GPR135: variants seen among roughly 807,000 people sequenced by gnomAD.
The protein encoded by GPR135 is G-protein coupled receptor 135.
In GPR135, 17 loss-of-function variants were observed where a neutral mutation model predicts 15.0. The observed-to-expected ratio is 1.13, with a 90% CI of 0.78 to 1.70. GPR135 has a LOEUF of 1.70. Among genes scored for constraint, GPR135 ranks in the 40% most tolerant of loss-of-function variants. GPR135 has a pLI of 0.00. For missense variants in GPR135, 776 were observed against 727.0 expected, an observed-to-expected ratio of 1.07 and a Z score of -0.78; for synonymous variants, 368 against 349.4, an observed-to-expected ratio of 1.05 and a Z score of -0.59.
In GPR135 at chr14:59,464,089, C is replaced by T. The variant is rs757363787; in HGVS notation, c.1138G>A (p.Gly380Arg). The T allele has an allele frequency of 1.9e-6, 3 of 1,612,512 alleles. No individual in the cohort carries two copies. Among genetic ancestry groups the T allele is most frequent in the South Asian group, 1.1e-5 (1 of 91,092 alleles). ...GCGTAGATGACAGGGTTGATGGCCC[C>T]ATTGGCCCAGGTCAGCCAGACGGCC... ...VVAVWLTWAN[G>R]AINPVIYAIR... is the part of the protein sequence containing the mutation. Residue 380 changes from glycine to arginine, a missense_variant, in exon 1 of 1, where the codon GGG becomes AGG. Physicochemically the swap from Gly to Arg is moderately radical, Grantham distance 125. Coordinates refer to ENST00000395116, the MANE Select transcript of GPR135 (RefSeq NM_022571.6).
Position 59,464,400 on chromosome 14 carries a change from G to T in GPR135, c.827C>A (p.Ala276Asp). The T allele has an allele frequency of 6.3e-7, 1 of 1,598,954 alleles. No individual in the cohort carries two copies. The highest frequency in any genetic ancestry group is 8.5e-7 in the Non-Finnish European group (1 of 1,173,916). ...GGCCACCACCAGCCCCACGCTGAAG[G>T]CCGCGCCCAGCTGCGCGGGGTCCGG... ...TSPDPAQLGA[A>D]FSVGLVVACY... The change falls in exon 1 of 1, where the codon GCC (alanine) becomes GAC (aspartate). Residue 276 changes from alanine to aspartate, a missense_variant. Physicochemically the swap from Ala to Asp is moderately radical, Grantham distance 126. Transcript: ENST00000395116.
rs987927756 is a variant in GPR135 at position 59,462,810 on chromosome 14, C to T, written c.*932G>A. On this transcript the variant is annotated 3_prime_UTR_variant, in exon 1 of 1. Transcript: ENST00000395116. ...ATTTAAATAAAGTGGCATCACTCAC[C>T]TTATTCAATCAACTTGACTTCAAAT... 3.9e-5 allele frequency: 6 copies of T among 152,122 alleles called. No individual in the cohort carries two copies. The highest frequency in any genetic ancestry group is 2.0e-4 in the Admixed American group (3 of 15,280). 9.4% of individuals were successfully genotyped at this position (152,122 alleles called of 1,614,324 possible).
Position 59,463,437 on chromosome 14 carries a change from G to C in GPR135, c.*305C>G, listed in dbSNP as rs374595292. Reference sequence around the variant, plus strand: ...CATTCAATGTTTTGTTTGTTTCACAGTGTGGTCCTATAATATGAGCTTTTC... The same window carrying C: ...CATTCAATGTTTTGTTTGTTTCACACTGTGGTCCTATAATATGAGCTTTTC... On this transcript the variant is annotated 3_prime_UTR_variant, in exon 1 of 1. Coordinates refer to ENST00000395116, the MANE Select transcript of GPR135 (RefSeq NM_022571.6). 5.5e-6 allele frequency: 2 copies of C among 361,552 alleles called. No individual in the cohort carries two copies. Among genetic ancestry groups the C allele is most frequent in the Non-Finnish European group, 1.0e-5 (2 of 199,510 alleles). 22.4% of individuals were successfully genotyped at this position (361,552 alleles called of 1,614,324 possible).
rs1889111043 is a variant in GPR135 at position 59,465,180 on chromosome 14, A to C, written c.47T>G (p.Leu16Arg). 7.7e-7 allele frequency: 1 copy of C among 1,300,044 alleles called. No individual in the cohort carries two copies. The highest frequency in any genetic ancestry group is 3.1e-5 in the East Asian group (1 of 32,202). The allele number at this position is 1,300,044 out of a possible 1,614,324, so 80.5% of individuals were successfully genotyped here. A position where few individuals can be genotyped will look rare whatever the true frequency, so the allele number is the denominator to read the frequency against. Residue 16 changes from leucine to arginine, a missense_variant, in exon 1 of 1, where the codon CTG becomes CGG. Coordinates refer to ENST00000395116, the MANE Select transcript of GPR135 (RefSeq NM_022571.6). Reference sequence around the variant, plus strand: ...GGGGGCGCCGGAGTGCTGGCTGCCCAGTAAGGCCATGCTCGCTGGTGGGCG... The same window carrying C: ...GGGGGCGCCGGAGTGCTGGCTGCCCCGTAAGGCCATGCTCGCTGGTGGGCG... ...PPRPPASMAL[L>R]GSQHSGAPSA...
intron 6 of GPR135, among the ~76,000 whole-genome samples, chr14:59,453,195 C>A (rs751897027): frequency 6.6e-6 from 1 of 152,082 alleles, no homozygotes; most frequent in African/African-American, 2.4e-5. Flanking sequence ...ATGTACAACA[C>A]GAAGAGTGAA....
At chr14:59,460,670 T>C (rs558541879), downstream of GPR135, 1 of 152,364 alleles carries the variant, frequency 6.6e-6, no homozygotes, top group African/African-American at 2.4e-5. Context: ...ATGCACCTAC[T>C]ATACAGAGTA....
chr14:59,458,223 T>C (rs1888731217), downstream of GPR135, among the ~76,000 whole-genome samples: 1 of 152,210 alleles, frequency 6.6e-6, no homozygotes, highest in Non-Finnish European at 1.5e-5. Flanking sequence ...CACTTCTAGA[T>C]GTTAGGTGTC....
downstream of GPR135, among the ~76,000 whole-genome samples, chr14:59,457,855 G>A (rs981580995): frequency 6.6e-6 from 1 of 151,652 alleles, no homozygotes; most frequent in Admixed American, 6.6e-5. Context: ...TTTTTCCTGG[G>A]TACGGTTCAT....
chr14:59,452,992 G>A lies in GPR135; in HGVS notation c.*874+2692C>T, dbSNP rs925415135. Among the ~76,000 whole-genome samples the A allele has an allele frequency of 5.9e-5, 9 of 152,062 alleles. No individual in the cohort carries two copies. In the South Asian group the frequency reaches 6.2e-4, roughly 11 times the overall value. ...AAGCCAATCTGAAAAGGCTTCCTACGGTATGATTCCAACTATATGACATTC... is the reference window on the plus strand; with the variant it reads ...AAGCCAATCTGAAAAGGCTTCCTACAGTATGATTCCAACTATATGACATTC... On this transcript the variant is annotated intron_variant and NMD_transcript_variant, in intron 6 of 6. Transcript: ENST00000481661.
At chr14:59,455,668 C>G (rs764693262) in intron 6 of GPR135, 3 of 152,176 alleles carry the variant, frequency 2.0e-5, no homozygotes, top group Middle Eastern at 3.2e-3. Context: ...TGGGTGTTGG[C>G]AAGAGGCCTC....
rs1166570791 is a variant in GPR135 at position 59,464,753 on chromosome 14, G to C, written c.474C>G (p.Pro158=). The change falls in exon 1 of 1, where the codon CCC becomes CCG. Residue 158 remains proline (P), a synonymous_variant. Coordinates refer to ENST00000395116, the MANE Select transcript of GPR135 (RefSeq NM_022571.6). ...SDLLTALLCL[P]AAFLDLFTPP... Reference sequence around the variant, plus strand: ...GAGTGAAGAGGTCCAGGAAGGCGGCGGGCAGGCAGAGCAGCGCCGTGAGCA... The same window carrying C: ...GAGTGAAGAGGTCCAGGAAGGCGGCCGGCAGGCAGAGCAGCGCCGTGAGCA... 2 of 1,567,670 alleles carry C rather than the reference G, an allele frequency of 1.3e-6. No homozygotes were observed. Among genetic ancestry groups the C allele is most frequent in the Non-Finnish European group, 1.7e-6 (2 of 1,156,592 alleles).
intron 6 of GPR135, among the ~76,000 whole-genome samples, chr14:59,453,650 G>A (rs754050142): frequency 4.6e-5 from 7 of 152,150 alleles, no homozygotes; most frequent in South Asian, 4.1e-4. Flanking sequence ...CCAGAACTAC[G>A]TCATCAAGTC....
chr14:59,463,893 G>A lies in GPR135; in HGVS notation c.1334C>T (p.Ser445Phe). The change falls in exon 1 of 1, where the codon TCC becomes TTC. Residue 445 changes from serine (S) to phenylalanine (F), a missense_variant. Transcript: ENST00000395116. Reference protein sequence around the residue: ...ANRLGACNRMSSSNPASGVAG... With the variant: ...ANRLGACNRMFSSNPASGVAG... The stretch of plus-strand genomic sequence containing the variant: ...CACTCCGCTGGCCGGGTTGGAAGAG[G>A]ACATCCTGTTGCAGGCCCCCAGCCG... 1 of 1,614,138 alleles carries A rather than the reference G, an allele frequency of 6.2e-7. No homozygotes were observed. Among genetic ancestry groups the A allele is most frequent in the East Asian group, 2.2e-5 (1 of 44,888 alleles).
chr14:59,453,947 AAG>A (rs1279932384), intron 6 of GPR135, among the ~76,000 whole-genome samples: 5 of 152,192 alleles, frequency 3.3e-5, no homozygotes, highest in African/African-American at 1.2e-4. Flanking sequence ...AAAACCAAGA[AAG>A]AGTAAAAACA....
At chr14:59,453,155 C>T (rs1271509) in intron 6 of GPR135, among the ~76,000 whole-genome samples, 3,215 of 152,272 alleles carry the variant, frequency 0.021, 115 homozygotes, top group African/African-American at 0.073. Context: ...ATTATAAATA[C>T]ATGTTATGAC....
At chr14:59,458,316 G>A (rs369429627), downstream of GPR135, among the ~76,000 whole-genome samples, 2 of 152,152 alleles carry the variant, frequency 1.3e-5, no homozygotes, top group South Asian at 2.1e-4. Flanking sequence ...AATTGCAGGG[G>A]CAGTTTTTGA....
Position 59,464,534 on chromosome 14 carries a change from C to A in GPR135, c.693G>T (p.Ala231=). The change falls in exon 1 of 1, where the codon GCG becomes GCT. Residue 231 remains alanine (A), a synonymous_variant. Coordinates refer to ENST00000395116, the MANE Select transcript of GPR135 (RefSeq NM_022571.6). ...IGRRRALQLL[A]GAWLTALGFS... Reference sequence around the variant, plus strand: ...AGCCCAGGGCCGTCAGCCAGGCGCCCGCCAGCAGCTGCAGCGCGCGGCGGC... The same window carrying A: ...AGCCCAGGGCCGTCAGCCAGGCGCCAGCCAGCAGCTGCAGCGCGCGGCGGC... The A allele has an allele frequency of 1.3e-6, 2 of 1,546,652 alleles. No homozygotes were observed. Among genetic ancestry groups the A allele is most frequent in the East Asian group, 2.4e-5 (1 of 41,268 alleles).
chr14:59,454,902 C>A (rs1326111961), intron 6 of GPR135, among the ~76,000 whole-genome samples: 1 of 152,074 alleles, frequency 6.6e-6, no homozygotes, highest in Non-Finnish European at 1.5e-5. Flanking sequence ...GAGATTGACA[C>A]CATCCTGGCC....
intron 6 of GPR135, among the ~76,000 whole-genome samples, chr14:59,454,560 G>A (rs1252153772): frequency 6.6e-6 from 1 of 152,178 alleles, no homozygotes; most frequent in East Asian, 1.9e-4. Flanking sequence ...AATATTATTT[G>A]AGGGCTTTTT....
Sources: gnomAD v4.1 joint callset for allele counts (sites outside exome capture counted in the v4.1 genomes callset) on GRCh38, gnomAD v4.1.1 for gene constraint, MANE v1.5 for transcripts, NCBI Gene and HGNC (gene_info 2026-07-23, HGNC 2026-07-21) for gene names.